Variants in FCRL1 observed in about 807,000 individuals in gnomAD.
The protein encoded by FCRL1 is Fc receptor-like protein 1.
FCRL1 carries 34 observed loss-of-function variants against 49.2 expected under a neutral mutation model. That is an observed-to-expected ratio of 0.69 (90% CI 0.53 to 0.92). The LOEUF is 0.92. Among genes scored for constraint, FCRL1 ranks in the 40% least tolerant of loss-of-function variants. FCRL1 has a pLI of 0.00. For missense variants in FCRL1, 524 were observed against 524.1 expected, an observed-to-expected ratio of 1.00 and a Z score of 0.00; for synonymous variants, 218 against 201.6, an observed-to-expected ratio of 1.08 and a Z score of -0.69.
In FCRL1 at chr1:157,820,086, G is replaced by C; in HGVS notation, c.-49C>G. On this transcript the variant is annotated 5_prime_UTR_variant, in exon 1 of 11. Transcript: ENST00000368176. ...CTAGAGATGCCTCTCATCAAAAAAAGAATGCACCTCAGAGTCGAGCAGCAG... is the reference window on the plus strand; with the variant it reads ...CTAGAGATGCCTCTCATCAAAAAAACAATGCACCTCAGAGTCGAGCAGCAG... The C allele has an allele frequency of 2.5e-6, 4 of 1,607,704 alleles. No homozygotes were observed. The highest frequency in any genetic ancestry group is 2.6e-6 in the Non-Finnish European group (3 of 1,174,256).
chr1:157,798,374 A>G (rs539805299), intron 7 of FCRL1, 131 bp from the exon 8 acceptor site: 4 of 742,552 alleles, frequency 5.4e-6, no homozygotes, highest in South Asian at 3.7e-5. Flanking sequence ...ATGAGCAGCT[A>G]GAAGGCACAG....
intron 7 of FCRL1, among the ~76,000 whole-genome samples, 163 bp downstream of exon 7, chr1:157,799,895 G>A (rs530780344): frequency 2.2e-4 from 33 of 152,198 alleles, no homozygotes; most frequent in South Asian, 6.2e-4. Context: ...TAAAAGAAGG[G>A]AAGTGACAAT....
chr1:157,802,244 T>C (rs1437176519), intron 4 of FCRL1, 51 bp from the exon 5 acceptor site: 23 of 1,584,540 alleles, frequency 1.5e-5, no homozygotes, highest in South Asian at 2.3e-5. Flanking sequence ...TGCAGCAAAC[T>C]CATAATCCCT....
At position 157,820,114 on chromosome 1, in the gene FCRL1, G is replaced by T; in HGVS notation, c.-77C>A. 6.5e-7 allele frequency: 1 copy of T among 1,541,312 alleles called. No homozygotes were observed. The highest frequency in any genetic ancestry group is 9.0e-7 in the Non-Finnish European group (1 of 1,115,628). On this transcript the variant is annotated 5_prime_UTR_variant, in exon 1 of 11. In the 5' UTR this introduces an upstream ATG that the reference lacks. Transcript: ENST00000368176. ...TGCACCTCAGAGTCGAGCAGCAGCA[G>T]CTCATCAGAGGTTTGAGGAAGTTGA...
chr1:157,802,732 T>G (rs1444085669), intron 3 of FCRL1, 68 bp from the exon 4 acceptor site: 2 of 1,481,046 alleles, frequency 1.4e-6, no homozygotes, highest in African/African-American at 1.4e-5. Context: ...TAAGTAGATA[T>G]GACGGTCCTG....
chr1:157,800,740 G>A (rs1451870335), intron 6 of FCRL1, among the ~76,000 whole-genome samples: 3 of 152,162 alleles, frequency 2.0e-5, no homozygotes, highest in African/African-American at 7.2e-5. Flanking sequence ...GTGGATGTGT[G>A]AATGTGCGGT....
At chr1:157,800,212 G>A in intron 6 of FCRL1, 127 bp from the exon 7 acceptor site, 1 of 677,744 alleles carries the variant, frequency 1.5e-6, no homozygotes, top group South Asian at 3.2e-5. Context: ...GTGCCACTGT[G>A]TGCCCAGCAG....
intron 10 of FCRL1, 103 bp downstream of exon 10, chr1:157,796,998 A>C: frequency 1.8e-6 from 2 of 1,086,014 alleles, no homozygotes; most frequent in Non-Finnish European, 2.8e-6. Context: ...GAGGTAGACC[A>C]TGGGATTTTT....
At chr1:157,806,884 C>T (rs1381161140) in intron 2 of FCRL1, 3 of 514,384 alleles carry the variant, frequency 5.8e-6, no homozygotes, top group African/African-American at 3.9e-5. Context: ...GACCTGTTCA[C>T]CCCACTGAGC....
At chr1:157,805,170 T>C (rs1653220154) in intron 2 of FCRL1, among the ~76,000 whole-genome samples, 1 of 152,184 alleles carries the variant, frequency 6.6e-6, no homozygotes, top group African/African-American at 2.4e-5. Flanking sequence ...GGGGCTCTTT[T>C]CTGGTGATAA....
At chr1:157,800,268 C>G (rs575228804) in intron 6 of FCRL1, among the ~76,000 whole-genome samples, 183 bp from the exon 7 acceptor site, 1 of 152,312 alleles carries the variant, frequency 6.6e-6, no homozygotes, top group African/African-American at 2.4e-5. Flanking sequence ...CAGATGGAAA[C>G]TCAGGTCCTG....
chr1:157,809,332 G>T (rs1423556821), intron 1 of FCRL1, among the ~76,000 whole-genome samples: 1 of 151,958 alleles, frequency 6.6e-6, no homozygotes. Context: ...GAGGTGGGAG[G>T]ATTGATGGGG....
chr1:157,803,893 T>C lies in FCRL1; in HGVS notation c.271A>G (p.Met91Val). The C allele has an allele frequency of 3.7e-6, 6 of 1,614,166 alleles. No homozygotes were observed. The highest frequency in any genetic ancestry group is 5.1e-6 in the Non-Finnish European group (6 of 1,180,020). ...TGSYWCEAQT[M>V]ASKVLRSRRS... ...CTGCTCCTCAAGACTTTGGACGCCA[T>C]TGTCTGTGCCTCGCACCAGTATGAC... The change falls in exon 3 of 11, where the codon ATG (methionine) becomes GTG (valine). Residue 91 changes from methionine (M) to valine (V), a missense_variant. Physicochemically the swap from Met to Val is conservative, Grantham distance 21 (BLOSUM62 1). Transcript: ENST00000368176.
chr1:157,794,910 A>G lies in FCRL1; in HGVS notation c.*1189T>C, dbSNP rs566805216. The G allele has an allele frequency of 6.6e-6, 1 of 152,346 alleles. No homozygotes were observed. The highest frequency in any genetic ancestry group is 2.4e-5 in the African/African-American group (1 of 41,584). The allele number at this position is 152,346 out of a possible 1,614,324, so 9.4% of individuals were successfully genotyped here. A position where few individuals can be genotyped will look rare whatever the true frequency, so the allele number is the denominator to read the frequency against. Reference sequence around the variant, plus strand: ...TTTACAGATTTGAAAGTATTTCATAATAGTTTGTTAGATAGGTACACTTCT... The same window carrying G: ...TTTACAGATTTGAAAGTATTTCATAGTAGTTTGTTAGATAGGTACACTTCT... On this transcript the variant is annotated 3_prime_UTR_variant, in exon 11 of 11. Coordinates refer to ENST00000368176, the MANE Select transcript of FCRL1 (RefSeq NM_052938.5).
In FCRL1 at chr1:157,814,697, G is replaced by A. The variant is rs531390447; in HGVS notation, c.31+5310C>T. Among the ~76,000 whole-genome samples, 127 of 151,892 alleles carry A rather than the reference G, an allele frequency of 8.4e-4. 1 individual carries two copies. Among genetic ancestry groups the A allele is most frequent in the African/African-American group, 3.0e-3 (123 of 41,504 alleles). On this transcript the variant is annotated intron_variant, in intron 1 of 10. Transcript: ENST00000368176. ...TGGCTGAATGGATTTTAAAAAACAGGACCCAACTATATTCTGCCTACAAGA... is the reference window on the plus strand; with the variant it reads ...TGGCTGAATGGATTTTAAAAAACAGAACCCAACTATATTCTGCCTACAAGA...
chr1:157,804,145 CG>C, intron 2 of FCRL1, 34 bp from the exon 3 acceptor site: 1 of 1,601,622 alleles, frequency 6.2e-7, no homozygotes. Context: ...ATGATTAATG[CG>C]GTTCGGAATT....
At chr1:157,816,933 AG>A (rs1655118019) in intron 1 of FCRL1, among the ~76,000 whole-genome samples, 5 of 152,020 alleles carry the variant, frequency 3.3e-5, no homozygotes. Flanking sequence ...TAAAATACTT[AG>A]GAATAAATTT....
chr1:157,817,955 A>G lies in FCRL1; in HGVS notation c.31+2052T>C, dbSNP rs1464622947. ...AAATGCAAATCAAAACCACAATGAA[A>G]TATTACCCCATACCTATGAAAATGA... On this transcript the variant is annotated intron_variant, in intron 1 of 10. Transcript: ENST00000368176. Among the ~76,000 whole-genome samples the G allele has an allele frequency of 3.9e-5, 6 of 152,212 alleles. No individual in the cohort carries two copies. In the East Asian group the frequency reaches 1.2e-3, roughly 29 times the overall value.
At chr1:157,801,022 G>C (rs1454657778) in intron 6 of FCRL1, among the ~76,000 whole-genome samples, 1 of 152,046 alleles carries the variant, frequency 6.6e-6, no homozygotes, top group African/African-American at 2.4e-5. Context: ...CTCCCAAGTA[G>C]CTGGGATTAC....
Sources: gnomAD v4.1 joint callset for allele counts (sites outside exome capture counted in the v4.1 genomes callset) on GRCh38, gnomAD v4.1.1 for gene constraint, MANE v1.5 for transcripts, NCBI Gene and HGNC (gene_info 2026-07-23, HGNC 2026-07-21) for gene names.